The following TNIP1 variants were observed in gnomAD, a reference collection of about 807,000 sequenced individuals.
TNIP1 encodes TNFAIP3 interacting protein 1.
TNIP1 carries 22 observed loss-of-function variants against 86.6 expected under a neutral mutation model. The observed-to-expected ratio is 0.25, with a 90% CI of 0.18 to 0.36. The LOEUF is 0.36. TNIP1 is among the 10% of genes least tolerant of loss of function. The probability of loss-of-function intolerance (pLI) is 1.00; values close to 1 mark genes in which losing one functional copy is unlikely to be tolerated. For synonymous variants in TNIP1, 294 were observed against 313.0 expected (o/e 0.94, Z 0.64); for missense variants, 709 against 820.6 (o/e 0.86, Z 1.66).
intron 1 of TNIP1, among the ~76,000 whole-genome samples, chr5:151,073,623 T>C (rs983654492): frequency 2.0e-4 from 30 of 149,692 alleles, no homozygotes; most frequent in African/African-American, 6.8e-4. Context: ...TAAATGTGCA[T>C]AGAAAAAGGC....
chr5:151,052,356 G>A, intron 6 of TNIP1, 97 bp from the exon 7 acceptor site: 1 of 984,442 alleles, frequency 1.0e-6, no homozygotes, highest in African/African-American at 1.6e-5. Context: ...AGCCACCCCA[G>A]GGCCCAACTC....
intron 1 of TNIP1, among the ~76,000 whole-genome samples, chr5:151,067,249 T>G (rs1405812315): frequency 6.6e-6 from 1 of 152,244 alleles, no homozygotes; most frequent in Non-Finnish European, 1.5e-5. Flanking sequence ...GCACTGGAAC[T>G]GGCACATAGT....
intron 9 of TNIP1, among the ~76,000 whole-genome samples, chr5:151,045,336 C>T (rs940127518): frequency 8.5e-5 from 13 of 152,150 alleles, no homozygotes; most frequent in African/African-American, 2.4e-4. Context: ...GTGATCCACC[C>T]GCCTCAGCCT....
At chr5:151,049,717 CT>C in intron 8 of TNIP1, 106 bp downstream of exon 8, 1 of 1,358,990 alleles carries the variant, frequency 7.4e-7, no homozygotes, top group South Asian at 1.2e-5. Context: ...CCTTCTACCA[CT>C]GGCACTGGCT....
At chr5:151,035,494 C>A in intron 14 of TNIP1, 88 bp downstream of exon 14, 1 of 1,586,818 alleles carries the variant, frequency 6.3e-7, no homozygotes, top group Non-Finnish European at 8.6e-7. Flanking sequence ...AGGGTCCTGA[C>A]ATCCAGCCTC....
At chr5:151,080,046 T>A (rs1172313905) in intron 1 of TNIP1, 4 of 152,138 alleles carry the variant, frequency 2.6e-5, no homozygotes, top group Admixed American at 6.5e-5. Flanking sequence ...AGTCCCTCCC[T>A]CCCCCTACCA....
chr5:151,034,822 C>G, intron 15 of TNIP1, 180 bp downstream of exon 15: 1 of 650,602 alleles, frequency 1.5e-6, no homozygotes, highest in South Asian at 1.8e-5. Flanking sequence ...GTGATGACAG[C>G]TAATACATTG....
intron 17 of TNIP1, among the ~76,000 whole-genome samples, chr5:151,031,887 T>C (rs1298769425): frequency 1.3e-5 from 2 of 152,180 alleles, no homozygotes; most frequent in Non-Finnish European, 2.9e-5. Context: ...GCCCCCCCGG[T>C]CTAGGTCGGC....
chr5:151,071,031 T>TA (rs1554079709), intron 1 of TNIP1, among the ~76,000 whole-genome samples: 2 of 145,078 alleles, frequency 1.4e-5, no homozygotes, highest in African/African-American at 5.2e-5. Context: ...CTGTTAGGGG[T>TA]GGGGGGGGCG....
Position 151,052,385 on chromosome 5 carries a change from C to T in TNIP1, c.628-126G>A, listed in dbSNP as rs117643478. The T allele has an allele frequency of 3.0e-4, 225 of 745,902 alleles. 2 individuals carry two copies. In the East Asian group the frequency reaches 5.0e-3, roughly 17 times the overall value. The allele number at this position is 745,902 out of a possible 1,614,324, so 46.2% of individuals were successfully genotyped here. ...CCAACTCCTTATCCCCTTTGCCTGG[C>T]CTCACCCCATCCCTCTCTAAGGAGC... On this transcript the variant is annotated intron_variant, in intron 6 of 17. Coordinates refer to ENST00000521591, the MANE Select transcript of TNIP1 (RefSeq NM_006058.5).
In TNIP1 at chr5:151,059,862, TGTGTGCGC is replaced by T. The variant is rs1242484179; in HGVS notation, c.435+448_435+455del. 8.0e-4 allele frequency among the ~76,000 whole-genome samples: 77 copies of T among 96,500 alleles called. 1 individual carries two copies. The highest frequency in any genetic ancestry group is 3.6e-3 in the African/African-American group (71 of 19,658). 63.3% of individuals were successfully genotyped at this position (96,500 alleles called of 152,430 possible). ...GTGTGTGTGTGTGTGTGTGTGTGTG[TGTGTGCGC>T]GCGCGCGCGCGCATGCGTGTAAGTG... is the stretch of plus-strand genomic sequence containing the variant. On this transcript the variant is annotated intron_variant, in intron 5 of 17. Coordinates refer to ENST00000521591, the MANE Select transcript of TNIP1 (RefSeq NM_006058.5).
chr5:151,066,506 T>C (rs1013006857), intron 1 of TNIP1, among the ~76,000 whole-genome samples: 15 of 152,178 alleles, frequency 9.9e-5, no homozygotes, highest in African/African-American at 3.6e-4. Context: ...CCGTGGGTCC[T>C]TGGCGCTGCC....
Position 151,063,629 on chromosome 5 carries a change from G to A in TNIP1, c.255C>T (p.Pro85=). ...CTCTTATACCTGTGAGCTCAGCCAG[G>A]GGGTCGAAGGAGCCCAAGGAGGGAG... ...PPSPSLGSFD[P]LAELTGKDSN... The change falls in exon 3 of 18, where the codon CCC becomes CCT. Residue 85 remains proline (P), a synonymous_variant. Transcript: ENST00000521591. 2 of 1,614,060 alleles carry A rather than the reference G, an allele frequency of 1.2e-6. No homozygotes were observed. The highest frequency in any genetic ancestry group is 1.1e-5 in the South Asian group (1 of 91,084).
At chr5:151,076,946 C>T (rs974659551) in intron 1 of TNIP1, among the ~76,000 whole-genome samples, 2 of 152,174 alleles carry the variant, frequency 1.3e-5, no homozygotes, top group Admixed American at 1.3e-4. Context: ...GACAACTCAT[C>T]CAGAGGGGAC....
At chr5:151,060,270 C>T (rs1761379150) in intron 5 of TNIP1, 48 bp downstream of exon 5, 4 of 1,600,446 alleles carry the variant, frequency 2.5e-6, no homozygotes, top group Non-Finnish European at 3.4e-6. Flanking sequence ...AGTGACAGGA[C>T]ACAAAGAGGG....
intron 4 of TNIP1, 67 bp from the exon 5 acceptor site, chr5:151,060,462 G>T: frequency 6.8e-7 from 1 of 1,471,736 alleles, no homozygotes; most frequent in Non-Finnish European, 9.5e-7. Context: ...GCGGCCCTGT[G>T]GCTGAGAGCA....
chr5:151,055,331 CAG>C (rs1760517759), intron 6 of TNIP1, among the ~76,000 whole-genome samples: 2 of 152,168 alleles, frequency 1.3e-5, no homozygotes, highest in Admixed American at 1.3e-4. Context: ...TAAAAAATAA[CAG>C]AGGTTGGCAG....
rs922556018 is a variant in TNIP1, at chr5:151,059,874, C to T, written c.435+444G>A. Among the ~76,000 whole-genome samples, 323 of 85,758 alleles carry T rather than the reference C, an allele frequency of 3.8e-3. 3 individuals carry two copies. The highest frequency in any genetic ancestry group is 0.037 in the East Asian group (38 of 1,030). 56.3% of individuals were successfully genotyped at this position (85,758 alleles called of 152,430 possible). A position where few individuals can be genotyped will look rare whatever the true frequency, so the allele number is the denominator to read the frequency against. The stretch of plus-strand genomic sequence containing the variant: ...GTGTGTGTGTGTGTGTGTGCGCGCG[C>T]GCGCGCGCATGCGTGTAAGTGGAAA... On this transcript the variant is annotated intron_variant, in intron 5 of 17. Transcript: ENST00000521591.
At chr5:151,083,896 T>G (rs1371123990), upstream of TNIP1, among the ~76,000 whole-genome samples, 4 of 152,212 alleles carry the variant, frequency 2.6e-5, no homozygotes, top group African/African-American at 9.7e-5. Context: ...CTGTGTGCTA[T>G]CTCCGCGCTT....
Sources: gnomAD v4.1 joint callset for allele counts (sites outside exome capture counted in the v4.1 genomes callset) on GRCh38, gnomAD v4.1.1 for gene constraint, MANE v1.5 for transcripts, NCBI Gene and HGNC (gene_info 2026-07-23, HGNC 2026-07-21) for gene names.